FHOD3: variants seen among roughly 807,000 people sequenced by gnomAD.
FHOD3 encodes the protein FH1/FH2 domain-containing protein 3.
In FHOD3, 90 loss-of-function variants were observed where a neutral mutation model predicts 173.0. That is an observed-to-expected ratio of 0.52 (90% CI 0.44 to 0.62). FHOD3 has a LOEUF of 0.62. Ranked by LOEUF, FHOD3 falls within the 20% of genes least tolerant of loss-of-function variation. The pLI, the probability that FHOD3 is intolerant of heterozygous loss-of-function variation, is 0.00. For synonymous variants in FHOD3, 828 were observed against 823.0 expected (o/e 1.01, Z -0.10); for missense variants, 1,945 against 2,034.7 (o/e 0.96, Z 0.85).
intron 5 of FHOD3, among the ~76,000 whole-genome samples, chr18:36,557,415 A>T (rs528242460): frequency 8.6e-5 from 13 of 151,768 alleles, no homozygotes; most frequent in Admixed American, 2.0e-4. Context: ...CTTTTCTTCC[A>T]TGTTGAATCT....
intron 9 of FHOD3, among the ~76,000 whole-genome samples, chr18:36,613,622 T>C (rs1342244550): frequency 6.6e-6 from 1 of 152,154 alleles, no homozygotes; most frequent in Non-Finnish European, 1.5e-5. Context: ...TCTGTGTGTA[T>C]GTCATTGCAA....
intron 7 of FHOD3, among the ~76,000 whole-genome samples, chr18:36,595,944 T>C (rs981049345): frequency 2.6e-5 from 4 of 152,178 alleles, no homozygotes; most frequent in African/African-American, 9.6e-5. Context: ...CATAAAAACT[T>C]GGGAAAAGTT....
At chr18:36,549,818 G>C (rs148833079) in intron 5 of FHOD3, among the ~76,000 whole-genome samples, 1,845 of 151,446 alleles carry the variant, frequency 0.012, 32 homozygotes, top group African/African-American at 0.043. Flanking sequence ...AAAATGCTGG[G>C]ATTACAGGCA....
At position 36,297,882 on chromosome 18, in the gene FHOD3, C is replaced by T. The variant is rs527822869; in HGVS notation, c.47C>T (p.Pro16Leu). The change falls in exon 1 of 29, where the codon CCT (proline) becomes CTT (leucine). Residue 16 changes from proline to leucine, a missense_variant. Pro to Leu is a moderately conservative substitution (Grantham distance 98). Coordinates refer to ENST00000590592, the MANE Select transcript of FHOD3 (RefSeq NM_001281740.3). Reference protein sequence around the residue: ...CRVQFLDDTDPFNSTNFPEPS... With the variant: ...CRVQFLDDTDLFNSTNFPEPS... ...GTGCAGTTCTTGGACGACACGGACC[C>T]TTTCAACAGCACCAACTTCCCCGAG... is the stretch of plus-strand genomic sequence containing the variant. The T allele has an allele frequency of 3.9e-6, 6 of 1,556,372 alleles. No homozygotes were observed. The African/African-American group carries it at 8.3e-5, about 22-fold the overall frequency.
At chr18:36,303,623 C>T (rs184225815) in intron 1 of FHOD3, among the ~76,000 whole-genome samples, 62 of 152,126 alleles carry the variant, frequency 4.1e-4, no homozygotes, top group Admixed American at 2.7e-3. Context: ...CCCTCCCCCA[C>T]CCTCCTTTTC....
chr18:36,349,618 A>C (rs1340848446), intron 1 of FHOD3, among the ~76,000 whole-genome samples: 1 of 152,216 alleles, frequency 6.6e-6, no homozygotes, highest in African/African-American at 2.4e-5. Flanking sequence ...TGGGCTATGG[A>C]TCGCTGTGGA....
chr18:36,333,653 G>C (rs1369572471), intron 1 of FHOD3, among the ~76,000 whole-genome samples: 1 of 152,178 alleles, frequency 6.6e-6, no homozygotes, highest in Non-Finnish European at 1.5e-5. Flanking sequence ...AGCTCTCAAA[G>C]TGTGGTTCCT....
intron 10 of FHOD3, among the ~76,000 whole-genome samples, chr18:36,627,916 T>G (rs2034231496): frequency 6.6e-6 from 1 of 152,216 alleles, no homozygotes; most frequent in African/African-American, 2.4e-5. Context: ...AGCTGCCTCA[T>G]GTACATATAT....
At chr18:36,750,264 G>A (rs1212074231) in intron 24 of FHOD3, among the ~76,000 whole-genome samples, 1 of 152,118 alleles carries the variant, frequency 6.6e-6, no homozygotes, top group African/African-American at 2.4e-5. Context: ...CTCCAGCCTG[G>A]GAGACAGAGG....
intron 3 of FHOD3, among the ~76,000 whole-genome samples, chr18:36,496,731 A>C (rs73947191): frequency 0.011 from 1,674 of 152,348 alleles, 30 homozygotes; most frequent in African/African-American, 0.038. Flanking sequence ...GATATAGGGA[A>C]TAATGCATAA....
At chr18:36,568,660 T>C (rs2058357489) in intron 5 of FHOD3, among the ~76,000 whole-genome samples, 1 of 152,184 alleles carries the variant, frequency 6.6e-6, no homozygotes, top group African/African-American at 2.4e-5. Flanking sequence ...ACTGAACTGA[T>C]ATTAGAGCCA....
Position 36,712,679 on chromosome 18 carries a change from G to A in FHOD3, c.2533+3288G>A, listed in dbSNP as rs75990732. Among the ~76,000 whole-genome samples, 10 of 152,266 alleles carry A rather than the reference G, an allele frequency of 6.6e-5. No homozygotes were observed. In the East Asian group the frequency reaches 1.9e-3, roughly 29 times the overall value. On this transcript the variant is annotated intron_variant, in intron 18 of 28. Transcript: ENST00000590592. ...CATCGGAATCTGGGGAGGAGAGAGA[G>A]TGTAATGCTGAAAAATGCTTTGAAG...
intron 1 of FHOD3, among the ~76,000 whole-genome samples, chr18:36,348,809 G>A (rs930187022): frequency 2.6e-5 from 4 of 152,184 alleles, no homozygotes; most frequent in Non-Finnish European, 5.9e-5. Context: ...TCTGTGGCAT[G>A]TCAGGGTTGG....
intron 3 of FHOD3, among the ~76,000 whole-genome samples, chr18:36,441,774 C>T (rs1472155338): frequency 6.6e-6 from 1 of 152,194 alleles, no homozygotes; most frequent in African/African-American, 2.4e-5. Flanking sequence ...AGACGCAGTG[C>T]CTGCCCCGTG....
At chr18:36,419,341 C>T (rs2049861921) in intron 3 of FHOD3, among the ~76,000 whole-genome samples, 1 of 151,980 alleles carries the variant, frequency 6.6e-6, no homozygotes, top group Admixed American at 6.5e-5. Context: ...GCCTCCTGGA[C>T]AGCTGGTGGC....
chr18:36,420,963 C>T (rs2049954111), intron 3 of FHOD3, among the ~76,000 whole-genome samples: 1 of 152,140 alleles, frequency 6.6e-6, no homozygotes. Context: ...CTGTCTCTTT[C>T]ACCCCCACCC....
chr18:36,317,916 A>G (rs2044207247), intron 1 of FHOD3, among the ~76,000 whole-genome samples: 1 of 152,202 alleles, frequency 6.6e-6, no homozygotes, highest in Admixed American at 6.5e-5. Flanking sequence ...AGGTATAAGG[A>G]AGGGATCCAG....
At position 36,604,401 on chromosome 18, in the gene FHOD3, A is replaced by G. The variant is rs188369011; in HGVS notation, c.813+1633A>G. Among the ~76,000 whole-genome samples, 15 of 152,360 alleles carry G rather than the reference A, an allele frequency of 9.8e-5. No individual in the cohort carries two copies. In the East Asian group the frequency reaches 2.9e-3, roughly 29 times the overall value. On this transcript the variant is annotated intron_variant, in intron 8 of 28. Coordinates refer to ENST00000590592, the MANE Select transcript of FHOD3 (RefSeq NM_001281740.3). ...TCTCCTACTAGAGAGTAAAATGTGCAGACTCTGAGGATTACAACAATGTAG... is the reference window on the plus strand; with the variant it reads ...TCTCCTACTAGAGAGTAAAATGTGCGGACTCTGAGGATTACAACAATGTAG...
intron 28 of FHOD3, chr18:36,778,220 A>AGGTG (rs2043829555): frequency 6.6e-6 from 1 of 152,208 alleles, no homozygotes; most frequent in Non-Finnish European, 1.5e-5. Flanking sequence ...CAGATGCATG[A>AGGTG]GGTGGGCCCT....
Sources: allele counts gnomAD v4.1 joint callset (sites outside exome capture counted in the v4.1 genomes callset), GRCh38; gene constraint gnomAD v4.1.1; transcripts MANE v1.5; gene names NCBI Gene and HGNC (gene_info 2026-07-23, HGNC 2026-07-21).